The following KIAA1671 variants were observed in gnomAD, a reference collection of about 807,000 sequenced individuals.
The protein encoded by KIAA1671 is uncharacterized protein KIAA1671.
A neutral mutation model predicts 131.2 loss-of-function variants in KIAA1671; 52 were observed. That is an observed-to-expected ratio of 0.40 (90% CI 0.32 to 0.50). The LOEUF (loss-of-function observed/expected upper bound fraction) is 0.50. Ranked by LOEUF, KIAA1671 falls within the 20% of genes least tolerant of loss-of-function variation. The pLI is 0.73. For missense variants in KIAA1671, 2,360 were observed against 2,364.2 expected, an observed-to-expected ratio of 1.00 and a Z score of 0.04; for synonymous variants, 1,003 against 961.6, an observed-to-expected ratio of 1.04 and a Z score of -0.80.
intron 1 of KIAA1671, chr22:25,014,962 C>T (rs1163130433): frequency 2.6e-5 from 4 of 151,978 alleles, no homozygotes; most frequent in East Asian, 3.9e-4. Context: ...GTTTTCTGGG[C>T]GATATGGCCT....
At chr22:25,024,688 C>G (rs890628915) in intron 1 of KIAA1671, 3 of 152,274 alleles carry the variant, frequency 2.0e-5, no homozygotes, top group Admixed American at 1.3e-4. Flanking sequence ...TTTCTTCATT[C>G]ATTTACTTAT....
At position 24,963,134 on chromosome 22, in the gene KIAA1671, C is replaced by T. The variant is rs182189502; in HGVS notation, c.-208+10362C>T. ...TGTGTCATGCATTGGGAGGCCGAGG[C>T]GGGCGGATCACCTGAGGTCAGGAGT... On this transcript the variant is annotated intron_variant, in intron 1 of 12. Transcript: ENST00000358431. Among the ~76,000 whole-genome samples, 95 of 152,102 alleles carry T rather than the reference C, an allele frequency of 6.2e-4. 1 individual carries two copies. The highest frequency in any genetic ancestry group is 7.5e-4 in the Non-Finnish European group (51 of 67,992).
At chr22:25,043,660 A>G (rs1398104976) in intron 5 of KIAA1671, among the ~76,000 whole-genome samples, 2 of 152,128 alleles carry the variant, frequency 1.3e-5, no homozygotes, top group Non-Finnish European at 2.9e-5. Flanking sequence ...AGGTGGCCCA[A>G]GGTGTCCTGG....
intron 6 of KIAA1671, among the ~76,000 whole-genome samples, chr22:25,092,658 G>A (rs1032231955): frequency 2.0e-5 from 3 of 152,130 alleles, no homozygotes; most frequent in Non-Finnish European, 2.9e-5. Flanking sequence ...AGAAGTGATC[G>A]GGTTCAGGCT....
intron 6 of KIAA1671, among the ~76,000 whole-genome samples, chr22:25,083,922 C>A (rs369825846): frequency 1.3e-5 from 2 of 152,330 alleles, no homozygotes; most frequent in East Asian, 1.9e-4. Context: ...CTGCCCTGAC[C>A]GCCCCTATTT....
chr22:25,093,737 A>ATTT (rs1186815102), intron 6 of KIAA1671, among the ~76,000 whole-genome samples: 1 of 30,138 alleles, frequency 3.3e-5, no homozygotes, highest in African/African-American at 1.5e-4. Context: ...ACACACACAC[A>ATTT]CTCTCTCTCT....
At position 25,040,332 on chromosome 22, in the gene KIAA1671, A is replaced by C. The variant is rs75763906; in HGVS notation, c.3202A>C (p.Thr1068Pro). The change falls in exon 5 of 13, where the codon ACA (threonine) becomes CCA (proline). Residue 1068 changes from threonine (T) to proline (P), a missense_variant. Thr to Pro is a conservative substitution (Grantham distance 38). Around this residue, in one of 3 missense-constraint regions of KIAA1671, gnomAD observed 1,161 missense variants for 1,204.7 expected, o/e 0.96. Coordinates refer to ENST00000358431, the MANE Select transcript of KIAA1671 (RefSeq NM_001145206.2). ...ITPPSSPHSL[T>P]STLVSLGHEE... ...TCCACCCTCGTCTCCTCATTCTTTA[A>C]CATCCACTTTGGTTTCTCTTGGTCA... The C allele has an allele frequency of 6.4e-7, 1 of 1,551,646 alleles. No homozygotes were observed. The highest frequency in any genetic ancestry group is 2.4e-5 in the East Asian group (1 of 40,932).
In KIAA1671 at chr22:25,185,255, G is replaced by C. The variant is rs1934436600; in HGVS notation, c.5342+136G>C. The C allele has an allele frequency of 5.0e-6, 5 of 999,478 alleles. No homozygotes were observed. The African/African-American group carries it at 6.6e-5, about 13-fold the overall frequency. 61.9% of individuals were successfully genotyped at this position (999,478 alleles called of 1,614,324 possible). A position where few individuals can be genotyped will look rare whatever the true frequency, so the allele number is the denominator to read the frequency against. On this transcript the variant is annotated intron_variant, in intron 11 of 12. Transcript: ENST00000358431. ...AATTTTCTCTAGCAGCAGAAGCTTT[G>C]TTCATGAGAATTCTCAATACTCAGA...
intron 1 of KIAA1671, among the ~76,000 whole-genome samples, chr22:24,981,559 C>T (rs139070105): frequency 2.6e-4 from 40 of 152,268 alleles, no homozygotes; most frequent in Admixed American, 5.2e-4. Context: ...CTGGGGCCAC[C>T]ATCTAGAGAC....
chr22:25,085,759 A>G (rs1929674888), intron 6 of KIAA1671, among the ~76,000 whole-genome samples: 1 of 138,404 alleles, frequency 7.2e-6, no homozygotes, highest in Non-Finnish European at 1.6e-5. Flanking sequence ...GCAAACTGAT[A>G]AGTGGTGAAG....
intron 1 of KIAA1671, among the ~76,000 whole-genome samples, chr22:25,004,712 C>A (rs1242438713): frequency 2.0e-5 from 3 of 146,760 alleles, no homozygotes; most frequent in Non-Finnish European, 4.5e-5. Flanking sequence ...TTTGGGAGGC[C>A]GAGGCGGGCA....
chr22:25,120,823 T>C (rs1931899845), intron 6 of KIAA1671, among the ~76,000 whole-genome samples: 1 of 152,218 alleles, frequency 6.6e-6, no homozygotes, highest in Admixed American at 6.5e-5. Flanking sequence ...CTTGCAACAT[T>C]TGTGTGCTCC....
chr22:25,151,076 C>T (rs927800619), intron 6 of KIAA1671, among the ~76,000 whole-genome samples: 13 of 151,914 alleles, frequency 8.6e-5, no homozygotes, highest in African/African-American at 2.7e-4. Flanking sequence ...CCTCATGATC[C>T]GCCTGCCTCG....
chr22:25,184,972 C>T lies in KIAA1671; in HGVS notation c.5200-5C>T, dbSNP rs1934421191. The stretch of plus-strand genomic sequence containing the variant: ...CTTATAGACTCAGCTCTCTTTTCTC[C>T]CCAGGCTCAGCTGCACAAGAGGCCA... On this transcript the variant is annotated splice_polypyrimidine_tract_variant and splice_region_variant and intron_variant, in intron 10 of 12. Coordinates refer to ENST00000358431, the MANE Select transcript of KIAA1671 (RefSeq NM_001145206.2). 1 of 1,551,318 alleles carries T rather than the reference C, an allele frequency of 6.4e-7. No individual in the cohort carries two copies. Among genetic ancestry groups the T allele is most frequent in the Non-Finnish European group, 8.7e-7 (1 of 1,147,036 alleles).
At chr22:24,955,269 G>A (rs987584817) in intron 1 of KIAA1671, among the ~76,000 whole-genome samples, 3 of 152,190 alleles carry the variant, frequency 2.0e-5, no homozygotes, top group Non-Finnish European at 2.9e-5. Flanking sequence ...TCAAGACACT[G>A]TGTCAAAGAT....
intron 1 of KIAA1671, among the ~76,000 whole-genome samples, chr22:24,957,628 A>G (rs1382768607): frequency 6.8e-6 from 1 of 148,142 alleles, no homozygotes; most frequent in African/African-American, 2.5e-5. Flanking sequence ...AGTGCATCAG[A>G]GCTGCGCTGT....
intron 6 of KIAA1671, among the ~76,000 whole-genome samples, chr22:25,131,539 T>C (rs1932442008): frequency 6.6e-6 from 1 of 152,224 alleles, no homozygotes; most frequent in African/African-American, 2.4e-5. Context: ...GTCCCTGGCC[T>C]GGTCAGGCGC....
intron 6 of KIAA1671, among the ~76,000 whole-genome samples, chr22:25,093,722 CACACACACACACA>C (rs1568950904): frequency 8.8e-5 from 11 of 124,312 alleles, no homozygotes; most frequent in African/African-American, 4.4e-4. Flanking sequence ...CACACACACA[CACACACACACACA>C]CACTCTCTCT....
chr22:25,072,520 C>T (rs1028361815), intron 6 of KIAA1671, among the ~76,000 whole-genome samples: 2 of 152,190 alleles, frequency 1.3e-5, no homozygotes, highest in Non-Finnish European at 2.9e-5. Context: ...CTCTGAGTCA[C>T]TGAAGACAGC....
Sources: gnomAD v4.1 joint callset for allele counts (sites outside exome capture counted in the v4.1 genomes callset) on GRCh38, gnomAD v4.1.1 for gene constraint, gnomAD v4.1.1 regional missense constraint, MANE v1.5 for transcripts, NCBI Gene and HGNC (gene_info 2026-07-23, HGNC 2026-07-21) for gene names.